The following LARGE1 variants were observed in gnomAD, a reference collection of about 807,000 sequenced individuals.
LARGE1 encodes the protein LARGE xylosyl- and glucuronyltransferase 1.
LARGE1 carries 43 observed loss-of-function variants against 87.6 expected under a neutral mutation model. That is an observed-to-expected ratio of 0.49 (90% confidence interval 0.38 to 0.63). LARGE1 has a LOEUF of 0.63. Ranked by LOEUF, LARGE1 falls within the 30% of genes least tolerant of loss-of-function variation. The pLI, the probability that LARGE1 is intolerant of heterozygous loss-of-function variation, is 0.00. For synonymous variants in LARGE1, 434 were observed against 394.6 expected (o/e 1.10, Z -1.18); for missense variants, 802 against 1,000.2 (o/e 0.80, Z 2.67).
At chr22:33,442,568 A>G (rs1407636073) in intron 6 of LARGE1, among the ~76,000 whole-genome samples, 1 of 152,194 alleles carries the variant, frequency 6.6e-6, no homozygotes, top group Non-Finnish European at 1.5e-5. Context: ...GCAGAAGACT[A>G]GGTTTGAAGA....
chr22:33,241,864 G>A (rs1926540116), intron 11 of LARGE1, among the ~76,000 whole-genome samples: 1 of 152,056 alleles, frequency 6.6e-6, no homozygotes, highest in Non-Finnish European at 1.5e-5. Context: ...GGGAGAGGAT[G>A]GGGAAAGCAT....
chr22:33,679,083 T>C (rs1231871054), intron 2 of LARGE1, among the ~76,000 whole-genome samples: 1 of 152,224 alleles, frequency 6.6e-6, no homozygotes, highest in Non-Finnish European at 1.5e-5. Flanking sequence ...TTTTGTTTAA[T>C]ATCTATCTCT....
At chr22:33,648,593 C>A (rs189500669) in intron 3 of LARGE1, among the ~76,000 whole-genome samples, 115 of 152,214 alleles carry the variant, frequency 7.6e-4, no homozygotes, top group Middle Eastern at 3.4e-3. Context: ...ACAGAAGATC[C>A]CTAAATTAGG....
At chr22:33,567,210 A>T (rs1450592490) in intron 5 of LARGE1, among the ~76,000 whole-genome samples, 3 of 152,112 alleles carry the variant, frequency 2.0e-5, no homozygotes, top group Non-Finnish European at 4.4e-5. Context: ...TGTTAGAAAA[A>T]AATGTGGTTA....
At chr22:33,401,587 TCA>T (rs749535293) in intron 7 of LARGE1, among the ~76,000 whole-genome samples, 4 of 152,204 alleles carry the variant, frequency 2.6e-5, no homozygotes, top group Non-Finnish European at 5.9e-5. Context: ...CTGTGGGGCT[TCA>T]CCCTCCATGA....
chr22:33,641,581 C>A (rs2080434870), intron 3 of LARGE1, among the ~76,000 whole-genome samples: 1 of 152,118 alleles, frequency 6.6e-6, no homozygotes, highest in Non-Finnish European at 1.5e-5. Flanking sequence ...TAACAAACTC[C>A]TCTGAGCTAA....
intron 1 of LARGE1, among the ~76,000 whole-genome samples, chr22:33,898,237 T>G (rs2065195147): frequency 6.6e-6 from 1 of 152,162 alleles, no homozygotes; most frequent in Non-Finnish European, 1.5e-5. Context: ...TCAAGTGGCC[T>G]GAATTTTATC....
chr22:33,069,922 T>C, the LARGE1 span, among the ~76,000 whole-genome samples: 3 of 151,906 alleles, frequency 2.0e-5, no homozygotes, highest in African/African-American at 7.3e-5. Flanking sequence ...CCTCCCAGGT[T>C]CAAACTATTC....
At chr22:33,681,071 T>C (rs1221142350) in intron 2 of LARGE1, among the ~76,000 whole-genome samples, 4 of 152,234 alleles carry the variant, frequency 2.6e-5, no homozygotes, top group African/African-American at 9.6e-5. Flanking sequence ...TTGCACTCAA[T>C]TTAATGTACT....
chr22:33,546,594 A>AT (rs1390637585), intron 6 of LARGE1, among the ~76,000 whole-genome samples: 2 of 151,478 alleles, frequency 1.3e-5, no homozygotes, highest in African/African-American at 2.4e-5. Flanking sequence ...TAAATTTTTT[A>AT]TTTTTTTTGA....
chr22:33,877,791 G>C (rs1198436969), intron 1 of LARGE1, among the ~76,000 whole-genome samples: 2 of 151,864 alleles, frequency 1.3e-5, no homozygotes, highest in Non-Finnish European at 2.9e-5. Flanking sequence ...GCGTGATGGT[G>C]CACACCTCTA....
intron 1 of LARGE1, among the ~76,000 whole-genome samples, chr22:33,843,440 AAAATAAATAAAT>A (rs59206767): frequency 1.0e-4 from 15 of 146,624 alleles, no homozygotes; most frequent in African/African-American, 2.3e-4. Context: ...CCCTCTCAAA[AAAATAAATAAAT>A]AAATAAATAA....
intron 1 of LARGE1, among the ~76,000 whole-genome samples, chr22:33,791,139 A>G (rs1382276282): frequency 6.6e-6 from 1 of 152,244 alleles, no homozygotes; most frequent in Non-Finnish European, 1.5e-5. Flanking sequence ...GTAAATGAGA[A>G]AAGCTCATGA....
At chr22:33,288,609 T>C (rs953805110) in intron 12 of LARGE1, among the ~76,000 whole-genome samples, 1 of 152,168 alleles carries the variant, frequency 6.6e-6, no homozygotes, top group Non-Finnish European at 1.5e-5. Flanking sequence ...CTACTGTGGG[T>C]CTTGTAATAT....
intron 1 of LARGE1, among the ~76,000 whole-genome samples, chr22:33,825,065 T>C (rs1257704098): frequency 6.6e-6 from 1 of 152,162 alleles, no homozygotes; most frequent in Non-Finnish European, 1.5e-5. Context: ...ATGCTATGAT[T>C]TGTCATTCCA....
intron 2 of LARGE1, among the ~76,000 whole-genome samples, chr22:33,653,927 G>A (rs1320515110): frequency 2.0e-5 from 3 of 152,136 alleles, no homozygotes; most frequent in Non-Finnish European, 4.4e-5. Context: ...GGAGGAGCAA[G>A]CAAGCAGGCT....
the LARGE1 span, among the ~76,000 whole-genome samples, chr22:33,138,702 C>T: frequency 2.0e-5 from 3 of 152,132 alleles, no homozygotes; most frequent in Admixed American, 1.3e-4. Flanking sequence ...CCTCGGCCTC[C>T]GAAACTGCTG....
At position 33,519,871 on chromosome 22, in the gene LARGE1, T is replaced by G. The variant is rs187842633; in HGVS notation, c.787+44977A>C. Among the ~76,000 whole-genome samples, 10 of 152,310 alleles carry G rather than the reference T, an allele frequency of 6.6e-5. No individual in the cohort carries two copies. The East Asian group carries it at 1.9e-3, about 29-fold the overall frequency. On this transcript the variant is annotated intron_variant, in intron 6 of 14. Coordinates refer to ENST00000397394, the MANE Select transcript of LARGE1 (RefSeq NM_133642.5). Reference sequence around the variant, plus strand: ...TCGTGTTCTTAAGCACAGGGGAATTTGTCTCTTCTTGATATTTAGTTTAAG... The same window carrying G: ...TCGTGTTCTTAAGCACAGGGGAATTGGTCTCTTCTTGATATTTAGTTTAAG...
intron 6 of LARGE1, among the ~76,000 whole-genome samples, chr22:33,488,050 G>C (rs922409974): frequency 6.6e-6 from 1 of 152,138 alleles, no homozygotes; most frequent in Non-Finnish European, 1.5e-5. Flanking sequence ...CCAGAAAAGA[G>C]GTTTTCTATA....
Sources: allele counts gnomAD v4.1 joint callset (sites outside exome capture counted in the v4.1 genomes callset), GRCh38; gene constraint gnomAD v4.1.1; transcripts MANE v1.5; gene names NCBI Gene and HGNC (gene_info 2026-07-23, HGNC 2026-07-21).